GSG1L: variants seen among roughly 807,000 people sequenced by gnomAD.
GSG1L encodes the protein GSG1 like.
Under a neutral mutation model 42.1 loss-of-function variants are expected in GSG1L, and 24 were observed. The ratio of observed to expected loss-of-function variants is 0.57; its 90% CI spans 0.41 to 0.80. The LOEUF is 0.80. Among genes scored for constraint, GSG1L ranks in the 30% least tolerant of loss-of-function variants. GSG1L has a pLI of 0.00. For synonymous variants in GSG1L, 215 were observed against 203.5 expected, an observed-to-expected ratio of 1.06 and a Z score of -0.48; for missense variants, 445 against 472.2, an observed-to-expected ratio of 0.94 and a Z score of 0.53.
Position 27,791,387 on chromosome 16 carries a change from A to G in GSG1L, c.979T>C (p.Leu327=), listed in dbSNP as rs1473472695. Residue 327 remains leucine (L), a synonymous_variant, in exon 7 of 7, where the codon TTG becomes CTG. Coordinates refer to ENST00000447459, the MANE Select transcript of GSG1L (RefSeq NM_001109763.2). ...APELNRQCWV[L]GHWV is the part of the protein sequence containing the mutation. Reference sequence around the variant, plus strand: ...GGTCTTGGTCACACCCAGTGCCCCAAGACCCAGCACTGTCGGTTCAGCTCT... The same window carrying G: ...GGTCTTGGTCACACCCAGTGCCCCAGGACCCAGCACTGTCGGTTCAGCTCT... 1 of 1,479,236 alleles carries G rather than the reference A, an allele frequency of 6.8e-7. No homozygotes were observed. Among genetic ancestry groups the G allele is most frequent in the Admixed American group, 2.2e-5 (1 of 45,174 alleles). The allele number at this position is 1,479,236 out of a possible 1,614,324, so 91.6% of individuals were successfully genotyped here. A position where few individuals can be genotyped will look rare whatever the true frequency, so the allele number is the denominator to read the frequency against.
At position 28,063,091 on chromosome 16, in the gene GSG1L, C is replaced by T; in HGVS notation, c.334G>A (p.Glu112Lys). ...GCGCACTCACCAAGCCCGCTGAGCT[C>T]CTCCTCGCACGAGTACCAGATGCCG... is the stretch of plus-strand genomic sequence containing the variant. ...HTGIWYSCEE[E>K]LSGLGEKCRS... Residue 112 changes from glutamate (E) to lysine (K), a missense_variant, in exon 1 of 7, where the codon GAG becomes AAG. By Grantham distance (56) the Glu-to-Lys change is moderately conservative (BLOSUM62 1). This residue lies in a region of GSG1L where 149 missense variants were observed against 223.3 expected (regional missense o/e 0.67). Transcript: ENST00000447459. The surrounding 1 kb of genome is among the most constrained non-coding windows in gnomAD (Gnocchi z 5.8). 7.0e-7 allele frequency: 1 copy of T among 1,434,718 alleles called. No homozygotes were observed. 88.9% of individuals were successfully genotyped at this position (1,434,718 alleles called of 1,614,324 possible).
intron 6 of GSG1L, among the ~76,000 whole-genome samples, chr16:27,803,792 T>TAG (rs201876649): frequency 0.021 from 1,159 of 56,176 alleles, 14 homozygotes; most frequent in Middle Eastern, 0.062. Flanking sequence ...TATATATATA[T>TAG]ATAGATAGAT....
intron 2 of GSG1L, among the ~76,000 whole-genome samples, chr16:27,914,797 GA>G (rs911801624): frequency 1.6e-4 from 24 of 152,218 alleles, no homozygotes; most frequent in African/African-American, 5.8e-4. Flanking sequence ...TAAATCATGG[GA>G]AAAGGATACA....
chr16:27,922,113 A>C (rs887622485), intron 2 of GSG1L, among the ~76,000 whole-genome samples: 2 of 151,354 alleles, frequency 1.3e-5, no homozygotes, highest in Admixed American at 1.3e-4. Flanking sequence ...CTGACCATGC[A>C]CATGTGCCTC....
intron 1 of GSG1L, among the ~76,000 whole-genome samples, chr16:28,030,664 A>G (rs867539233): frequency 1.3e-5 from 2 of 152,094 alleles, no homozygotes; most frequent in African/African-American, 2.4e-5. Context: ...CAGCCAAATA[A>G]ATTTCCCAAT....
chr16:27,887,954 A>G (rs563267638), intron 2 of GSG1L: 8 of 325,734 alleles, frequency 2.5e-5, no homozygotes, highest in Admixed American at 1.9e-4. Flanking sequence ...CGCTGGCCCA[A>G]GGGCCACCAG....
At position 27,920,853 on chromosome 16, in the gene GSG1L, C is replaced by T. The variant is rs1370993028; in HGVS notation, c.398-36215G>A. Among the ~76,000 whole-genome samples the T allele has an allele frequency of 2.6e-5, 4 of 152,272 alleles. No homozygotes were observed. In the East Asian group the frequency reaches 5.8e-4, roughly 22 times the overall value. On this transcript the variant is annotated intron_variant, in intron 2 of 6. Coordinates refer to ENST00000447459, the MANE Select transcript of GSG1L (RefSeq NM_001109763.2). ...GGCAACCAGGCAGGGACAGGCTTCA[C>T]GGCTGCAGTGGCCAAGAGCAGAGAA...
At chr16:28,051,509 G>GA (rs76931460) in intron 1 of GSG1L, among the ~76,000 whole-genome samples, 29,953 of 130,396 alleles carry the variant, frequency 0.23, 4,008 homozygotes, top group Non-Finnish European at 0.31. Flanking sequence ...GAAGTGTTAC[G>GA]AAAAAAAAAA....
At chr16:27,928,937 A>G (rs2141070630) in intron 2 of GSG1L, among the ~76,000 whole-genome samples, 1 of 152,320 alleles carries the variant, frequency 6.6e-6, no homozygotes, top group African/African-American at 2.4e-5. Context: ...GTGATGATTC[A>G]CAGAGGTTAT....
intron 1 of GSG1L, among the ~76,000 whole-genome samples, chr16:28,035,584 T>G (rs1384816947): frequency 6.6e-6 from 1 of 152,220 alleles, no homozygotes; most frequent in African/African-American, 2.4e-5. Flanking sequence ...AGCACTTTGC[T>G]ACTGTAAGTA....
chr16:27,817,080 A>AGACTCTGAG (rs2083102539), intron 5 of GSG1L, among the ~76,000 whole-genome samples: 1 of 152,210 alleles, frequency 6.6e-6, no homozygotes, highest in Admixed American at 6.5e-5. Flanking sequence ...TGGAGCTGGG[A>AGACTCTGAG]GACTCTGAGG....
intron 5 of GSG1L, among the ~76,000 whole-genome samples, chr16:27,818,743 A>G (rs562301588): frequency 6.6e-6 from 1 of 152,340 alleles, no homozygotes; most frequent in East Asian, 1.9e-4. Flanking sequence ...AACATCACGT[A>G]AAAAGGGTCA....
intron 2 of GSG1L, among the ~76,000 whole-genome samples, chr16:27,899,795 T>C (rs1172169087): frequency 6.6e-6 from 1 of 152,198 alleles, no homozygotes; most frequent in Non-Finnish European, 1.5e-5. Flanking sequence ...TTCAATATGC[T>C]AGCTGTCCCC....
intron 1 of GSG1L, among the ~76,000 whole-genome samples, chr16:28,044,623 CTTT>C (rs71140942): frequency 1.3e-4 from 17 of 130,582 alleles, no homozygotes; most frequent in East Asian, 4.6e-4. Context: ...GCAACGAATG[CTTT>C]TTTTTTTTTT....
intron 3 of GSG1L, among the ~76,000 whole-genome samples, chr16:27,873,016 C>T (rs1314268076): frequency 6.6e-6 from 1 of 152,192 alleles, no homozygotes; most frequent in African/African-American, 2.4e-5. Flanking sequence ...TTTCACTTTA[C>T]TCTATGGACT....
intron 6 of GSG1L, among the ~76,000 whole-genome samples, chr16:27,799,924 C>T (rs1376493423): frequency 1.3e-5 from 2 of 152,140 alleles, no homozygotes; most frequent in African/African-American, 4.8e-5. Context: ...AGGACAACTG[C>T]AAATTTGGTC....
chr16:27,910,126 C>CT (rs11455704), intron 2 of GSG1L, among the ~76,000 whole-genome samples: 32,461 of 136,868 alleles, frequency 0.24, 3,970 homozygotes, highest in African/African-American at 0.3. Flanking sequence ...TGCCTGGCTA[C>CT]TTTTTTTTTT....
At chr16:27,887,192 G>A (rs1265547868) in intron 2 of GSG1L, among the ~76,000 whole-genome samples, 3 of 152,172 alleles carry the variant, frequency 2.0e-5, no homozygotes, top group Non-Finnish European at 2.9e-5. Context: ...CTAAGCTCAA[G>A]TGATCATCCT....
At chr16:27,824,872 G>A (rs903503607) in intron 5 of GSG1L, among the ~76,000 whole-genome samples, 2 of 152,208 alleles carry the variant, frequency 1.3e-5, no homozygotes, top group African/African-American at 2.4e-5. Context: ...GCAACTGACC[G>A]CAGTGCTAAT....
Sources: allele counts gnomAD v4.1 joint callset (sites outside exome capture counted in the v4.1 genomes callset), GRCh38; gene constraint gnomAD v4.1.1; regional missense constraint gnomAD v4.1.1; non-coding constraint Gnocchi (gnomAD v3.1); transcripts MANE v1.5; gene names NCBI Gene and HGNC (gene_info 2026-07-23, HGNC 2026-07-21).